The following LANCL1 variants were observed in gnomAD, a reference collection of about 807,000 sequenced individuals.
The protein encoded by LANCL1 is LanC like glutathione S-transferase 1.
A neutral mutation model predicts 50.6 loss-of-function variants in LANCL1; 50 were observed. The observed-to-expected ratio is 0.99, with a 90% confidence interval of 0.79 to 1.25. The LOEUF is 1.25. Ranked by LOEUF, LANCL1 falls within the 50% of genes most tolerant of loss-of-function variation. The pLI, the probability that LANCL1 is intolerant of heterozygous loss-of-function variation, is 0.00. For synonymous variants in LANCL1, 188 were observed against 178.6 expected (o/e 1.05, Z -0.42); for missense variants, 532 against 480.7 (o/e 1.11, Z -1.00).
At chr2:210,461,025 G>A (rs913317091) in intron 3 of LANCL1, 1 of 152,050 alleles carries the variant, frequency 6.6e-6, no homozygotes, top group Non-Finnish European at 1.5e-5. Flanking sequence ...CTATGAATTG[G>A]GCACTGTGCT....
Position 210,466,762 on chromosome 2 carries a change from G to A in LANCL1, c.199+5197C>T, listed in dbSNP as rs529367760. Reference sequence around the variant, plus strand: ...ACCCTTTCACGGAACAAACCAGATAGAGAGAACATCATGAAAGTCTAGAAG... The same window carrying A: ...ACCCTTTCACGGAACAAACCAGATAAAGAGAACATCATGAAAGTCTAGAAG... On this transcript the variant is annotated intron_variant, in intron 3 of 9. Coordinates refer to ENST00000450366, the MANE Select transcript of LANCL1 (RefSeq NM_006055.3). Among the ~76,000 whole-genome samples, 15 of 152,272 alleles carry A rather than the reference G, an allele frequency of 9.9e-5. No individual in the cohort carries two copies. The South Asian group carries it at 2.7e-3, about 27-fold the overall frequency.
intron 4 of LANCL1, among the ~76,000 whole-genome samples, chr2:210,445,841 T>C (rs1163526672): frequency 3.9e-5 from 6 of 152,208 alleles, no homozygotes; most frequent in Non-Finnish European, 7.3e-5. Context: ...CTCACAGTAC[T>C]TCCTCAGGGT....
chr2:210,455,796 T>TTGTG (rs1192606793), intron 3 of LANCL1, among the ~76,000 whole-genome samples: 1 of 150,852 alleles, frequency 6.6e-6, no homozygotes, highest in South Asian at 2.1e-4. Context: ...AAAGTTTGTT[T>TTGTG]TGTGTGTGTG....
At position 210,440,624 on chromosome 2, in the gene LANCL1, C is replaced by A; in HGVS notation, c.664G>T (p.Ala222Ser). ...TGCATCAGGTAGTAATAAATTCCAG[C>A]CAGGCCATGAGCAGCCCCTACATAA... ...EYYVGAAHGL[A>S]GIYYYLMQPS... The change falls in exon 6 of 10, where the codon GCT becomes TCT. Residue 222 changes from alanine (A) to serine (S), a missense_variant. Physicochemically the swap from Ala to Ser is moderately conservative, Grantham distance 99 (BLOSUM62 1). Coordinates refer to ENST00000450366, the MANE Select transcript of LANCL1 (RefSeq NM_006055.3). The A allele has an allele frequency of 6.2e-7, 1 of 1,612,642 alleles. No individual in the cohort carries two copies. The highest frequency in any genetic ancestry group is 8.5e-7 in the Non-Finnish European group (1 of 1,179,574).
intron 7 of LANCL1, 33 bp downstream of exon 7, chr2:210,437,657 T>TAA: frequency 5.0e-6 from 7 of 1,389,880 alleles, no homozygotes; most frequent in Non-Finnish European, 6.6e-6. Flanking sequence ...TTTGGTTATT[T>TAA]AAAAAAATTT....
intron 4 of LANCL1, 41 bp downstream of exon 4, chr2:210,455,063 CATA>C: frequency 4.7e-6 from 7 of 1,488,116 alleles, no homozygotes; most frequent in Non-Finnish European, 6.5e-6. Flanking sequence ...AGAATTAATG[CATA>C]ATGATGCTAG....
chr2:210,476,476 G>T (rs1170218165), intron 1 of LANCL1, 64 bp from the exon 2 acceptor site: 7 of 1,362,482 alleles, frequency 5.1e-6, no homozygotes, highest in African/African-American at 3.3e-5. Flanking sequence ...TTGCGAGGGC[G>T]GCGGCGGCGC....
chr2:210,467,993 G>A (rs187988814), intron 3 of LANCL1, among the ~76,000 whole-genome samples: 189 of 152,280 alleles, frequency 1.2e-3, no homozygotes, highest in African/African-American at 4.1e-3. Context: ...GGGTTTGGGA[G>A]AAAGCAGAAA....
rs755364548 is a variant in LANCL1, at chr2:210,437,667, T to C, written c.873+23A>G. Reference sequence around the variant, plus strand: ...AAATTTTTGGTTATTTAAAAAAATTTATTTCAAAAATACACACAGTACCTT... The same window carrying C: ...AAATTTTTGGTTATTTAAAAAAATTCATTTCAAAAATACACACAGTACCTT... On this transcript the variant is annotated intron_variant, in intron 7 of 9. Transcript: ENST00000450366. The C allele has an allele frequency of 4.9e-6, 7 of 1,420,352 alleles. No individual in the cohort carries two copies. The East Asian group carries it at 1.8e-4, about 36-fold the overall frequency. 88.0% of individuals were successfully genotyped at this position (1,420,352 alleles called of 1,614,324 possible).
intron 3 of LANCL1, 70 bp downstream of exon 3, chr2:210,471,889 A>G: frequency 9.4e-7 from 1 of 1,064,706 alleles, no homozygotes; most frequent in Non-Finnish European, 1.5e-6. Flanking sequence ...ATTCAGACAG[A>G]CAGCTCTCGG....
intron 2 of LANCL1, among the ~76,000 whole-genome samples, chr2:210,474,900 G>A (rs1694314789): frequency 1.3e-5 from 2 of 152,274 alleles, no homozygotes; most frequent in South Asian, 4.1e-4. Flanking sequence ...CCTCCCGCAA[G>A]ACAAGACACA....
At chr2:210,465,797 G>A (rs375002792) in intron 3 of LANCL1, among the ~76,000 whole-genome samples, 11 of 152,272 alleles carry the variant, frequency 7.2e-5, no homozygotes, top group African/African-American at 2.2e-4. Flanking sequence ...TCCCAGGTAC[G>A]ATGAAGAAAA....
upstream of LANCL1, chr2:210,476,796 G>T (rs1302923220): frequency 9.9e-7 from 1 of 1,011,744 alleles, no homozygotes; most frequent in East Asian, 9.9e-5. Context: ...CAGAGCCTTC[G>T]CCGTTCCCGA....
At chr2:210,447,263 G>T (rs879411964) in intron 4 of LANCL1, among the ~76,000 whole-genome samples, 1 of 152,088 alleles carries the variant, frequency 6.6e-6, no homozygotes, top group Non-Finnish European at 1.5e-5. Flanking sequence ...CATAAGCAAA[G>T]GAGAAATGGA....
intron 5 of LANCL1, 91 bp from the exon 6 acceptor site, chr2:210,440,835 G>T (rs2105890589): frequency 3.5e-6 from 4 of 1,154,132 alleles, no homozygotes; most frequent in Non-Finnish European, 4.9e-6. Flanking sequence ...AGGTACTGGG[G>T]AACATGACAA....
chr2:210,474,423 G>A (rs972261991), intron 2 of LANCL1, among the ~76,000 whole-genome samples: 21 of 152,006 alleles, frequency 1.4e-4, no homozygotes, highest in African/African-American at 4.8e-4. Flanking sequence ...TAGAAACAAA[G>A]GGTTAAATTT....
chr2:210,435,893 C>CTTTTTTTTTTTTTTT (rs71043994), intron 8 of LANCL1, among the ~76,000 whole-genome samples: 1 of 64,228 alleles, frequency 1.6e-5, no homozygotes, highest in Non-Finnish European at 2.7e-5. Context: ...GGGAGACCTG[C>CTTTTTTTTTTTTTTT]TTTTTTTTTT....
chr2:210,461,885 G>A (rs1337369746), intron 3 of LANCL1, among the ~76,000 whole-genome samples: 2 of 152,056 alleles, frequency 1.3e-5, no homozygotes, highest in Non-Finnish European at 2.9e-5. Context: ...GCCATCCCTT[G>A]GGTTTACTTA....
intron 9 of LANCL1, among the ~76,000 whole-genome samples, 197 bp from the exon 10 acceptor site, chr2:210,434,760 G>T (rs1692864890): frequency 6.6e-6 from 1 of 151,972 alleles, no homozygotes; most frequent in Admixed American, 6.6e-5. Context: ...CTGGAGGGTG[G>T]GGGTGTCCTC....
Sources: gnomAD v4.1 joint callset for allele counts (sites outside exome capture counted in the v4.1 genomes callset) on GRCh38, gnomAD v4.1.1 for gene constraint, MANE v1.5 for transcripts, NCBI Gene and HGNC (gene_info 2026-07-23, HGNC 2026-07-21) for gene names.